Variants in STAG1 observed in about 807,000 individuals in gnomAD.
The protein encoded by STAG1 is STAG1 cohesin complex component.
In STAG1, 26 loss-of-function variants were observed where a neutral mutation model predicts 170.9. The ratio of observed to expected loss-of-function variants is 0.15; its 90% CI spans 0.11 to 0.21. STAG1 has a LOEUF of 0.21. STAG1 is among the 10% of genes least tolerant of loss of function. The pLI is 1.00. For missense variants in STAG1, 964 were observed against 1,509.5 expected (o/e 0.64, Z 5.99); for synonymous variants, 514 against 497.7 (o/e 1.03, Z -0.44).
At chr3:136,536,139 T>C (rs1935610022) in intron 6 of STAG1, among the ~76,000 whole-genome samples, 1 of 152,204 alleles carries the variant, frequency 6.6e-6, no homozygotes, top group African/African-American at 2.4e-5. Flanking sequence ...TTTGGCTTCA[T>C]GAGTATCTCA....
chr3:136,435,361 A>C (rs939952680), intron 15 of STAG1, among the ~76,000 whole-genome samples: 4 of 152,232 alleles, frequency 2.6e-5, no homozygotes, highest in Non-Finnish European at 4.4e-5. Flanking sequence ...CTTAGCTAGC[A>C]GTAGAGCATT....
chr3:136,711,078 T>C lies in STAG1; in HGVS notation c.-84+41117A>G, dbSNP rs534747960. On this transcript the variant is annotated intron_variant, in intron 1 of 33. Coordinates refer to ENST00000383202, the MANE Select transcript of STAG1 (RefSeq NM_005862.3). ...AAAGAAAAATATATATATATATATA[T>C]ACTTACTATGGCATAAGAAAATCAA... Among the ~76,000 whole-genome samples, 59 of 151,552 alleles carry C rather than the reference T, an allele frequency of 3.9e-4. No individual in the cohort carries two copies. The South Asian group carries it at 6.0e-3, about 15-fold the overall frequency.
intron 1 of STAG1, among the ~76,000 whole-genome samples, chr3:136,741,222 A>T (rs1387726262): frequency 6.6e-6 from 1 of 152,208 alleles, no homozygotes; most frequent in Non-Finnish European, 1.5e-5. Flanking sequence ...CTTCCCAATG[A>T]CCTATGCAAA....
chr3:136,377,536 C>G, intron 23 of STAG1, 124 bp downstream of exon 23: 1 of 681,122 alleles, frequency 1.5e-6, no homozygotes. Context: ...AGTCTTGTTC[C>G]AGGTCCAGTA....
intron 1 of STAG1, among the ~76,000 whole-genome samples, chr3:136,677,926 T>C (rs1182133657): frequency 6.8e-6 from 1 of 147,372 alleles, no homozygotes; most frequent in Non-Finnish European, 1.5e-5. Flanking sequence ...TTTAGTACTT[T>C]GATATATATT....
intron 1 of STAG1, among the ~76,000 whole-genome samples, chr3:136,723,982 G>T (rs1440078610): frequency 1.3e-5 from 2 of 150,614 alleles, no homozygotes; most frequent in Non-Finnish European, 3.0e-5. Flanking sequence ...GGGAGGTGGG[G>T]GGGTCAGCCC....
intron 1 of STAG1, among the ~76,000 whole-genome samples, chr3:136,631,412 G>C (rs1395823754): frequency 6.6e-6 from 1 of 152,208 alleles, no homozygotes; most frequent in African/African-American, 2.4e-5. Flanking sequence ...TGGGTGGAAG[G>C]GATGAACAGG....
chr3:136,367,066 A>C lies in STAG1; in HGVS notation c.2562T>G (p.Asp854Glu). The C allele has an allele frequency of 6.2e-7, 1 of 1,610,138 alleles. No individual in the cohort carries two copies. Among genetic ancestry groups the C allele is most frequent in the East Asian group, 2.2e-5 (1 of 44,792 alleles). ...GTAAGGCCTCAATTTTATTAGCTTC[A>C]TCTTCTTCATCACCCTCTAAACACA... ...ENQSMEGDEE[D>E]EANKIEALHK... is the part of the protein sequence containing the mutation. Residue 854 changes from aspartate (D) to glutamate (E), a missense_variant, in exon 25 of 34, where the codon GAT becomes GAG. This residue lies in a region of STAG1 where 149 missense variants were observed against 301.3 expected (regional missense o/e 0.49). Transcript: ENST00000383202.
chr3:136,356,171 G>A (rs576708737), intron 28 of STAG1, among the ~76,000 whole-genome samples: 11 of 151,436 alleles, frequency 7.3e-5, no homozygotes, highest in East Asian at 1.9e-4. Context: ...ATTCCAGGTC[G>A]GAACCACTGA....
chr3:136,665,575 C>A (rs1400429653), intron 1 of STAG1, among the ~76,000 whole-genome samples: 1 of 151,448 alleles, frequency 6.6e-6, no homozygotes. Flanking sequence ...GTCAGGAGAT[C>A]GAGACCACCC....
chr3:136,585,990 C>T (rs1937798183), intron 4 of STAG1, among the ~76,000 whole-genome samples: 1 of 152,118 alleles, frequency 6.6e-6, no homozygotes, highest in African/African-American at 2.4e-5. Context: ...TCATTTATAC[C>T]TGGATATAGC....
chr3:136,639,147 C>A (rs1241474137), intron 1 of STAG1, among the ~76,000 whole-genome samples: 2 of 133,984 alleles, frequency 1.5e-5, no homozygotes, highest in African/African-American at 5.8e-5. Context: ...TGAGTCTGGG[C>A]AACATAAGTA....
At chr3:136,500,180 G>A (rs1409421686) in intron 9 of STAG1, 43 bp downstream of exon 9, 1 of 1,250,046 alleles carries the variant, frequency 8.0e-7, no homozygotes, top group East Asian at 2.4e-5. Flanking sequence ...ATCAATAATT[G>A]TTTAAGTGAA....
chr3:136,491,340 C>T (rs1045430822), intron 9 of STAG1, among the ~76,000 whole-genome samples: 13 of 152,112 alleles, frequency 8.5e-5, no homozygotes, highest in African/African-American at 2.7e-4. Context: ...CTGACACTAC[C>T]CTTCCCATAT....
Position 136,542,105 on chromosome 3 carries a change from T to C in STAG1, c.471+14A>G, listed in dbSNP as rs377019295. On this transcript the variant is annotated intron_variant, in intron 6 of 33. Coordinates refer to ENST00000383202, the MANE Select transcript of STAG1 (RefSeq NM_005862.3). Reference sequence around the variant, plus strand: ...TATAAGTAAGCAATTTGTATGAATATTGGAATGCTATACCTCATCAAATTC... The same window carrying C: ...TATAAGTAAGCAATTTGTATGAATACTGGAATGCTATACCTCATCAAATTC... 2 of 1,591,422 alleles carry C rather than the reference T, an allele frequency of 1.3e-6. No individual in the cohort carries two copies. The highest frequency in any genetic ancestry group is 1.3e-5 in the African/African-American group (1 of 74,620).
intron 4 of STAG1, among the ~76,000 whole-genome samples, chr3:136,600,014 T>C (rs1938595916): frequency 6.6e-6 from 1 of 152,170 alleles, no homozygotes; most frequent in Non-Finnish European, 1.5e-5. Context: ...CATTGGGAAT[T>C]TTCACAGACC....
At chr3:136,438,091 T>C (rs1008766486) in intron 15 of STAG1, among the ~76,000 whole-genome samples, 1 of 152,210 alleles carries the variant, frequency 6.6e-6, no homozygotes, top group African/African-American at 2.4e-5. Context: ...TTACATCTTG[T>C]ATCATTGGCT....
At chr3:136,467,590 G>C (rs1475216473) in intron 12 of STAG1, among the ~76,000 whole-genome samples, 1 of 152,096 alleles carries the variant, frequency 6.6e-6, no homozygotes, top group Non-Finnish European at 1.5e-5. Flanking sequence ...GTCAACATTA[G>C]ACAGATCGAT....
chr3:136,370,216 T>C (rs766651261), intron 23 of STAG1, among the ~76,000 whole-genome samples: 17 of 152,114 alleles, frequency 1.1e-4, no homozygotes, highest in Non-Finnish European at 1.9e-4. Flanking sequence ...AATGCATTAT[T>C]ATCATAGGAT....
Sources: allele counts gnomAD v4.1 joint callset (sites outside exome capture counted in the v4.1 genomes callset), GRCh38; gene constraint gnomAD v4.1.1; regional missense constraint gnomAD v4.1.1; transcripts MANE v1.5; gene names NCBI Gene and HGNC (gene_info 2026-07-23, HGNC 2026-07-21).